Variants in USP6 observed in about 807,000 individuals in gnomAD.
USP6 encodes the protein ubiquitin specific peptidase 6.
USP6 carries 128 observed loss-of-function variants against 175.7 expected under a neutral mutation model. That is an observed-to-expected ratio of 0.73 (90% CI 0.63 to 0.84). USP6 has a LOEUF of 0.84. Among genes scored for constraint, USP6 ranks in the 40% least tolerant of loss-of-function variants. The pLI is 0.00. For missense variants in USP6, 1,498 were observed against 1,760.3 expected (o/e 0.85, Z 2.67); for synonymous variants, 562 against 630.6 (o/e 0.89, Z 1.63).
At chr17:5,145,886 G>A (rs2073593951) in intron 27 of USP6, 137 bp from the exon 28 acceptor site, 1 of 1,265,622 alleles carries the variant, frequency 7.9e-7, no homozygotes, top group Non-Finnish European at 1.0e-6. Flanking sequence ...ATCTGTTTTA[G>A]TGTTTACCCA....
chr17:5,122,720 C>T (rs1356675392), intron 4 of USP6, among the ~76,000 whole-genome samples: 1 of 152,218 alleles, frequency 6.6e-6, no homozygotes, highest in Non-Finnish European at 1.5e-5. Flanking sequence ...ACCCGGAGCC[C>T]AGCCCCGGAA....
In USP6 at chr17:5,156,573, G is replaced by A. The variant is rs577275713; in HGVS notation, c.2828+967G>A. Among the ~76,000 whole-genome samples, 15 of 151,078 alleles carry A rather than the reference G, an allele frequency of 9.9e-5. No homozygotes were observed. In the South Asian group the frequency reaches 2.5e-3, roughly 25 times the overall value. ...CGCCTGCCTCAGCCTCCCAAAGTGC[G>A]GGGATTACAGGCGTGAGCCACCTCA... is the stretch of plus-strand genomic sequence containing the variant. On this transcript the variant is annotated intron_variant, in intron 31 of 37. Transcript: ENST00000574788.
chr17:5,156,960 C>T (rs2073897974), intron 31 of USP6, among the ~76,000 whole-genome samples: 1 of 151,972 alleles, frequency 6.6e-6, no homozygotes, highest in African/African-American at 2.4e-5. Flanking sequence ...AAACTCCTGG[C>T]CTCAAGTGAT....
intron 30 of USP6, among the ~76,000 whole-genome samples, chr17:5,150,490 A>G (rs1598058409): frequency 6.6e-6 from 1 of 151,358 alleles, no homozygotes; most frequent in Non-Finnish European, 1.5e-5. Context: ...TAAACAACAG[A>G]AATATATCTT....
At chr17:5,145,747 T>C (rs1269932113) in intron 27 of USP6, among the ~76,000 whole-genome samples, 168 bp downstream of exon 27, 4 of 152,168 alleles carry the variant, frequency 2.6e-5, no homozygotes. Context: ...AAGATGTAGA[T>C]TGGGGCATGT....
At chr17:5,169,245 G>A (rs2074161819) in intron 35 of USP6, among the ~76,000 whole-genome samples, 190 bp downstream of exon 35, 1 of 152,198 alleles carries the variant, frequency 6.6e-6, no homozygotes, top group African/African-American at 2.4e-5. Context: ...TTCCTCATCT[G>A]TAAAATGGAG....
Position 5,135,946 on chromosome 17 carries a change from C to T in USP6, c.664+18C>T, listed in dbSNP as rs761074434. 5.6e-6 allele frequency: 9 copies of T among 1,597,520 alleles called. No homozygotes were observed. The highest frequency in any genetic ancestry group is 5.1e-6 in the Non-Finnish European group (6 of 1,179,694). On this transcript the variant is annotated intron_variant, in intron 17 of 37. Coordinates refer to ENST00000574788, the MANE Select transcript of USP6 (RefSeq NM_001304284.2). ...CCTGCCAGGTAGGTGAACAGCTGCC[C>T]GTGGGGCCTCACGCAGCCAGACCCG...
At position 5,148,598 on chromosome 17, in the gene USP6, C is replaced by A; in HGVS notation, c.2474C>A (p.Thr825Asn). ...TCTACAAATGGAATGTTCACCCTAACTACCAATGGGGACCTACCCAAACCA... is the reference window on the plus strand; with the variant it reads ...TCTACAAATGGAATGTTCACCCTAAATACCAATGGGGACCTACCCAAACCA... ...SPSTNGMFTL[T>N]TNGDLPKPIF... is the part of the protein sequence containing the mutation. Residue 825 changes from threonine (T) to asparagine (N), a missense_variant, in exon 30 of 38, where the codon ACT (threonine) becomes AAT (asparagine). Physicochemically the swap from Thr to Asn is moderately conservative, Grantham distance 65. Around this residue, in one of 2 missense-constraint regions of USP6, gnomAD observed 1,217 missense variants for 1,500.8 expected, o/e 0.81. Coordinates refer to ENST00000574788, the MANE Select transcript of USP6 (RefSeq NM_001304284.2). 1 of 1,613,976 alleles carries A rather than the reference C, an allele frequency of 6.2e-7. No individual in the cohort carries two copies. The highest frequency in any genetic ancestry group is 1.3e-5 in the African/African-American group (1 of 75,044).
chr17:5,133,958 C>G lies in USP6; in HGVS notation c.456C>G (p.Leu152=). 6.2e-7 allele frequency: 1 copy of G among 1,614,138 alleles called. No individual in the cohort carries two copies. Among genetic ancestry groups the G allele is most frequent in the Non-Finnish European group, 8.5e-7 (1 of 1,180,020 alleles). The change falls in exon 15 of 38, where the codon CTC becomes CTG. Residue 152 remains leucine (L), a synonymous_variant. Coordinates refer to ENST00000574788, the MANE Select transcript of USP6 (RefSeq NM_001304284.2). ...HHIDLDVRTT[L]RNHVFFRDRY... is the part of the protein sequence containing the mutation. ...TCGACCTGGACGTGAGGACGACTCTCCGGAACCATGTCTTCTTTAGGGATC... is the reference window on the plus strand; with the variant it reads ...TCGACCTGGACGTGAGGACGACTCTGCGGAACCATGTCTTCTTTAGGGATC...
Position 5,167,913 on chromosome 17 carries a change from C to T in USP6, c.3037-19C>T. 3 of 1,603,182 alleles carry T rather than the reference C, an allele frequency of 1.9e-6. No homozygotes were observed. Among genetic ancestry groups the T allele is most frequent in the Non-Finnish European group, 2.6e-6 (3 of 1,173,208 alleles). On this transcript the variant is annotated intron_variant, in intron 33 of 37. Coordinates refer to ENST00000574788, the MANE Select transcript of USP6 (RefSeq NM_001304284.2). ...TGCCTTCCCACACACCCCTTTCCTC[C>T]TGTTCCCTCTACCTACAGGTTGTAG...
intron 15 of USP6, chr17:5,134,342 A>G (rs1466556791): frequency 6.6e-6 from 2 of 301,536 alleles, no homozygotes; most frequent in Admixed American, 9.0e-5. Context: ...TCCCCAGGCA[A>G]CACAGCACCA....
chr17:5,138,135 A>T lies in USP6; in HGVS notation c.940A>T (p.Thr314Ser). 6.2e-7 allele frequency: 1 copy of T among 1,614,046 alleles called. No individual in the cohort carries two copies. The highest frequency in any genetic ancestry group is 8.5e-7 in the Non-Finnish European group (1 of 1,179,960). Residue 314 changes from threonine to serine, a missense_variant, in exon 21 of 38, where the codon ACA becomes TCA. By Grantham distance (58) the Thr-to-Ser change is moderately conservative. Transcript: ENST00000574788. ...LKVQQKRLMK[T>S]SRCGLWARLR... ...CCTGTCCCTAGAGCGCCTCATGAAG[A>T]CATCCAGGTGTGGCCTGTGGGCACG...
chr17:5,145,822 G>A (rs935170902), intron 27 of USP6, among the ~76,000 whole-genome samples: 5 of 152,030 alleles, frequency 3.3e-5, no homozygotes, highest in African/African-American at 1.2e-4. Flanking sequence ...ACACTTTTAT[G>A]TCAGATGAAC....
chr17:5,142,514 A>G lies in USP6; in HGVS notation c.1818+12A>G, dbSNP rs748366480. 1.3e-6 allele frequency: 2 copies of G among 1,599,878 alleles called. No homozygotes were observed. The highest frequency in any genetic ancestry group is 1.7e-6 in the Non-Finnish European group (2 of 1,173,408). ...CATTAAAGCTTCGGGTAAGCAGGTT[A>G]AAATAATATAAAAGTATTTAATTCC... On this transcript the variant is annotated intron_variant, in intron 25 of 37. Transcript: ENST00000574788.
intron 32 of USP6, 136 bp from the exon 33 acceptor site, chr17:5,162,748 G>A: frequency 1.6e-6 from 2 of 1,258,270 alleles, no homozygotes; most frequent in Non-Finnish European, 2.1e-6. Flanking sequence ...ATCAGAGTCT[G>A]AAGTTAGAAG....
At chr17:5,122,726 C>G (rs118140204) in intron 4 of USP6, among the ~76,000 whole-genome samples, 3 of 152,224 alleles carry the variant, frequency 2.0e-5, no homozygotes, top group African/African-American at 2.4e-5. Flanking sequence ...AGCCCAGCCC[C>G]GGAAATGGGA....
In USP6 at chr17:5,144,770, T is replaced by C. The variant is rs2073559293; in HGVS notation, c.1899T>C (p.Asp633=). 3 of 1,613,726 alleles carry C rather than the reference T, an allele frequency of 1.9e-6. No homozygotes were observed. The highest frequency in any genetic ancestry group is 2.5e-6 in the Non-Finnish European group (3 of 1,179,816). The stretch of plus-strand genomic sequence containing the variant: ...AAGAACTTCTGGCTTTTCTCTTGGA[T>C]GGTCTTCATGAAGATCTCAACCGAG... ...DSQELLAFLL[D]GLHEDLNRVH... The change falls in exon 26 of 38, where the codon GAT becomes GAC. Residue 633 remains aspartate (D), a synonymous_variant. Transcript: ENST00000574788.
chr17:5,132,248 G>C lies in USP6; in HGVS notation c.156-148G>C, dbSNP rs771770207. 5.6e-6 allele frequency: 9 copies of C among 1,596,212 alleles called. No individual in the cohort carries two copies. Among genetic ancestry groups the C allele is most frequent in the Non-Finnish European group, 6.8e-6 (8 of 1,170,164 alleles). Reference sequence around the variant, plus strand: ...TCCTGGGAGTCAGAGCCACAGGAAGGCCCTTGTCCTCCCTTCCCTGTGCCT... The same window carrying C: ...TCCTGGGAGTCAGAGCCACAGGAAGCCCCTTGTCCTCCCTTCCCTGTGCCT... On this transcript the variant is annotated intron_variant, in intron 11 of 37. Coordinates refer to ENST00000574788, the MANE Select transcript of USP6 (RefSeq NM_001304284.2). This position sits in a 1 kb window ranked among gnomAD's most constrained non-coding sequence, Gnocchi z 4.7.
In USP6 at chr17:5,136,715, C is replaced by A; in HGVS notation, c.740C>A (p.Pro247His). 3 of 1,612,354 alleles carry A rather than the reference C, an allele frequency of 1.9e-6. No individual in the cohort carries two copies. Among genetic ancestry groups the A allele is most frequent in the Non-Finnish European group, 1.7e-6 (2 of 1,179,762 alleles). Residue 247 changes from proline to histidine, a missense_variant, in exon 18 of 38, where the codon CCC becomes CAC. Coordinates refer to ENST00000574788, the MANE Select transcript of USP6 (RefSeq NM_001304284.2). ...GAGCATGTGGTACCCAAGTCACAAC[C>A]CAAGACCATGTGGCATCAGGTGAGT... ...QQEHVVPKSQPKTMWHQDKEG... is the reference protein window; with the variant it reads ...QQEHVVPKSQHKTMWHQDKEG...
Sources: allele counts gnomAD v4.1 joint callset (sites outside exome capture counted in the v4.1 genomes callset), GRCh38; gene constraint gnomAD v4.1.1; regional missense constraint gnomAD v4.1.1; non-coding constraint Gnocchi (gnomAD v3.1); transcripts MANE v1.5; gene names NCBI Gene and HGNC (gene_info 2026-07-23, HGNC 2026-07-21).